The following ATRNL1 variants were observed in gnomAD, a reference collection of about 807,000 sequenced individuals.
ATRNL1 encodes the protein attractin like 1.
ATRNL1 carries 95 observed loss-of-function variants against 182.7 expected under a neutral mutation model. The ratio of observed to expected loss-of-function variants is 0.52; its 90% CI spans 0.44 to 0.62. ATRNL1 has a LOEUF of 0.62. Among genes scored for constraint, ATRNL1 ranks in the 20% least tolerant of loss-of-function variants. The pLI, the probability that ATRNL1 is intolerant of heterozygous loss-of-function variation, is 0.00. For synonymous variants in ATRNL1, 576 were observed against 568.3 expected, an observed-to-expected ratio of 1.01 and a Z score of -0.19; for missense variants, 1,471 against 1,679.5, an observed-to-expected ratio of 0.88 and a Z score of 2.17.
intron 28 of ATRNL1, among the ~76,000 whole-genome samples, chr10:115,913,848 G>A (rs915410773): frequency 6.6e-6 from 1 of 152,098 alleles, no homozygotes; most frequent in African/African-American, 2.4e-5. Context: ...CTACCCTGAT[G>A]TAGGTTTTGG....
At chr10:115,727,215 AT>A (rs781925190) in intron 26 of ATRNL1, 32 bp from the exon 27 acceptor site, 33 of 1,486,098 alleles carry the variant, frequency 2.2e-5, no homozygotes, top group Non-Finnish European at 3.0e-5. Flanking sequence ...TTTTAAACCT[AT>A]TTTAAGATAA....
At chr10:115,413,917 A>C (rs1435045000) in intron 20 of ATRNL1, among the ~76,000 whole-genome samples, 2 of 152,070 alleles carry the variant, frequency 1.3e-5, no homozygotes, top group Non-Finnish European at 2.9e-5. Context: ...ATTTATGTGC[A>C]CATATAAATA....
intron 18 of ATRNL1, among the ~76,000 whole-genome samples, chr10:115,319,121 C>A (rs987673549): frequency 3.7e-4 from 56 of 151,640 alleles, no homozygotes; most frequent in African/African-American, 1.3e-3. Context: ...CAAATAACTT[C>A]TTTTCTGCGT....
chr10:115,317,796 C>T (rs1247157542), intron 18 of ATRNL1, among the ~76,000 whole-genome samples: 1 of 152,102 alleles, frequency 6.6e-6, no homozygotes, highest in Non-Finnish European at 1.5e-5. Flanking sequence ...AGTTTTTGGG[C>T]TGAAATGATG....
intron 5 of ATRNL1, among the ~76,000 whole-genome samples, chr10:115,139,100 T>G (rs1432845813): frequency 6.6e-6 from 1 of 152,164 alleles, no homozygotes; most frequent in Non-Finnish European, 1.5e-5. Flanking sequence ...TCCCAACAAG[T>G]TCCTCCTCAT....
At chr10:115,532,491 G>A (rs1851656698) in intron 25 of ATRNL1, among the ~76,000 whole-genome samples, 1 of 152,112 alleles carries the variant, frequency 6.6e-6, no homozygotes, top group Non-Finnish European at 1.5e-5. Context: ...CTGAGACTTT[G>A]CTGAAGTTGC....
chr10:115,519,004 T>G (rs1850778076), intron 24 of ATRNL1, among the ~76,000 whole-genome samples: 1 of 151,992 alleles, frequency 6.6e-6, no homozygotes, highest in Admixed American at 6.6e-5. Context: ...CACATGAAAC[T>G]CTTAGCGTGC....
intron 21 of ATRNL1, among the ~76,000 whole-genome samples, chr10:115,429,536 A>T (rs1554963538): frequency 6.6e-6 from 1 of 152,158 alleles, no homozygotes; most frequent in Non-Finnish European, 1.5e-5. Flanking sequence ...ACAAGGTTAT[A>T]TCATGAATAA....
chr10:115,317,855 ACTT>A (rs1425034189), intron 18 of ATRNL1, among the ~76,000 whole-genome samples: 2 of 152,284 alleles, frequency 1.3e-5, no homozygotes, highest in African/African-American at 2.4e-5. Flanking sequence ...AGAAAACTTG[ACTT>A]CTTCTCTTCC....
intron 21 of ATRNL1, among the ~76,000 whole-genome samples, chr10:115,455,724 G>A (rs1178216846): frequency 1.3e-5 from 2 of 152,186 alleles, no homozygotes; most frequent in African/African-American, 2.4e-5. Context: ...GAAAATTTTT[G>A]CAATCTATCC....
intron 14 of ATRNL1, among the ~76,000 whole-genome samples, chr10:115,285,233 T>C (rs1852552081): frequency 6.6e-6 from 1 of 151,948 alleles, no homozygotes; most frequent in Non-Finnish European, 1.5e-5. Context: ...ATTTTTAATT[T>C]TAAAACCATT....
chr10:115,155,374 T>C (rs1225982028), intron 5 of ATRNL1, among the ~76,000 whole-genome samples: 2 of 152,174 alleles, frequency 1.3e-5, no homozygotes, highest in Non-Finnish European at 2.9e-5. Flanking sequence ...GAAGGTTGTC[T>C]TAATAATAAC....
intron 28 of ATRNL1, among the ~76,000 whole-genome samples, chr10:115,871,791 A>C (rs1159414454): frequency 6.6e-6 from 1 of 152,108 alleles, no homozygotes; most frequent in Admixed American, 6.5e-5. Context: ...AAACAATATA[A>C]ATCTTCAAAA....
intron 25 of ATRNL1, among the ~76,000 whole-genome samples, chr10:115,532,155 A>G (rs1185474905): frequency 6.6e-6 from 1 of 151,982 alleles, no homozygotes; most frequent in East Asian, 1.9e-4. Context: ...GTTTTTTCCA[A>G]TTCTGTGAAG....
At chr10:115,132,631 T>C (rs1413126467) in intron 5 of ATRNL1, among the ~76,000 whole-genome samples, 3 of 152,208 alleles carry the variant, frequency 2.0e-5, no homozygotes, top group African/African-American at 7.2e-5. Context: ...TTCTAACTGG[T>C]GTGAGATGGT....
intron 26 of ATRNL1, among the ~76,000 whole-genome samples, chr10:115,643,676 A>T (rs1234170079): frequency 1.3e-5 from 2 of 152,168 alleles, no homozygotes; most frequent in African/African-American, 4.8e-5. Flanking sequence ...GATGACCAAT[A>T]AGAATATGAT....
In ATRNL1 at chr10:115,859,851, T is replaced by G. The variant is rs1488857805; in HGVS notation, c.4018+11860T>G. On this transcript the variant is annotated intron_variant, in intron 28 of 28. Transcript: ENST00000355044. ...AAAATGTAATTCTATAAAAGGTAAATGTTGATTACAATTATATTAACTCCT... is the reference window on the plus strand; with the variant it reads ...AAAATGTAATTCTATAAAAGGTAAAGGTTGATTACAATTATATTAACTCCT... Among the ~76,000 whole-genome samples the G allele has an allele frequency of 1.2e-3, 178 of 152,282 alleles. 1 individual carries two copies. The highest frequency in any genetic ancestry group is 2.8e-4 in the Non-Finnish European group (19 of 68,016).
At position 115,651,090 on chromosome 10, in the gene ATRNL1, C is replaced by T. The variant is rs371696513; in HGVS notation, c.3796-76158C>T. 2.6e-4 allele frequency among the ~76,000 whole-genome samples: 39 copies of T among 152,278 alleles called. 1 individual carries two copies. The South Asian group carries it at 7.9e-3, about 31-fold the overall frequency. ...TGACTTGCTTTGGAAACACACATAA[C>T]TACAAGCCCTTATTCAGCTATTGGC... On this transcript the variant is annotated intron_variant, in intron 26 of 28. Coordinates refer to ENST00000355044, the MANE Select transcript of ATRNL1 (RefSeq NM_207303.4).
intron 27 of ATRNL1, among the ~76,000 whole-genome samples, chr10:115,729,569 TC>T (rs1947726248): frequency 6.6e-6 from 1 of 151,542 alleles, no homozygotes; most frequent in African/African-American, 2.4e-5. Context: ...TGTTTTTTTT[TC>T]CCAGCTTCTG....
Sources: allele counts gnomAD v4.1 joint callset (sites outside exome capture counted in the v4.1 genomes callset), GRCh38; gene constraint gnomAD v4.1.1; transcripts MANE v1.5; gene names NCBI Gene and HGNC (gene_info 2026-07-23, HGNC 2026-07-21).